Variants in MYO3B observed in about 807,000 individuals in gnomAD.
MYO3B encodes the protein myosin-IIIb.
A neutral mutation model predicts 174.6 loss-of-function variants in MYO3B; 156 were observed. The observed-to-expected ratio is 0.89, with a 90% confidence interval of 0.78 to 1.02. MYO3B has a LOEUF of 1.02. Ranked by LOEUF, MYO3B falls within the 50% of genes least tolerant of loss-of-function variation. The pLI is 0.00. For missense variants in MYO3B, 1,632 were observed against 1,639.4 expected (o/e 1.00, Z 0.08); for synonymous variants, 563 against 569.1 (o/e 0.99, Z 0.15).
intron 22 of MYO3B, among the ~76,000 whole-genome samples, chr2:170,422,350 G>A (rs2094622547): frequency 6.6e-6 from 1 of 152,144 alleles, no homozygotes; most frequent in Non-Finnish European, 1.5e-5. Flanking sequence ...TCACAGGCAT[G>A]AGCCACTGCA....
At chr2:170,454,626 G>A (rs1039729765) in intron 23 of MYO3B, among the ~76,000 whole-genome samples, 2 of 152,180 alleles carry the variant, frequency 1.3e-5, no homozygotes, top group Admixed American at 1.3e-4. Context: ...AAAGGAGAGG[G>A]GCTACCGAAC....
At chr2:170,592,547 C>T (rs142462307) in intron 32 of MYO3B, among the ~76,000 whole-genome samples, 52 of 152,238 alleles carry the variant, frequency 3.4e-4, no homozygotes, top group African/African-American at 1.1e-3. Flanking sequence ...ATGAATTGGC[C>T]GGCAAAGAGA....
At chr2:170,570,219 G>C (rs1042772190) in intron 32 of MYO3B, among the ~76,000 whole-genome samples, 1 of 152,164 alleles carries the variant, frequency 6.6e-6, no homozygotes, top group East Asian at 1.9e-4. Flanking sequence ...AACTTAGAGA[G>C]AAAACCAACT....
chr2:170,472,674 T>TATCC (rs1685046636), intron 25 of MYO3B, among the ~76,000 whole-genome samples: 1 of 51,294 alleles, frequency 1.9e-5, no homozygotes, highest in Non-Finnish European at 3.8e-5. Context: ...ACTTTTTATC[T>TATCC]ATTTATTTAT....
At chr2:170,623,612 C>T (rs1696130159) in intron 32 of MYO3B, among the ~76,000 whole-genome samples, 1 of 152,072 alleles carries the variant, frequency 6.6e-6, no homozygotes. Context: ...CTTTTGTTGC[C>T]ATTGCTTTTG....
Position 170,369,507 on chromosome 2 carries a change from A to G in MYO3B, c.971+130A>G, listed in dbSNP as rs893931087. On this transcript the variant is annotated intron_variant, in intron 9 of 34. Transcript: ENST00000408978. ...CATTTTTAAGAGTTTTATTTACATGACATTAAGTACTCCATGCCCAGTGGA... is the reference window on the plus strand; with the variant it reads ...CATTTTTAAGAGTTTTATTTACATGGCATTAAGTACTCCATGCCCAGTGGA... 14 of 1,007,974 alleles carry G rather than the reference A, an allele frequency of 1.4e-5. No homozygotes were observed. In the African/African-American group the frequency reaches 1.8e-4, roughly 13 times the overall value. The allele number at this position is 1,007,974 out of a possible 1,614,324, so 62.4% of individuals were successfully genotyped here.
intron 32 of MYO3B, among the ~76,000 whole-genome samples, chr2:170,597,966 C>CATCATAATTATA (rs769699461): frequency 1.3e-5 from 2 of 152,168 alleles, no homozygotes; most frequent in Non-Finnish European, 2.9e-5. Context: ...AGCACCTAAA[C>CATCATAATTATA]ATCATAATTA....
intron 30 of MYO3B, among the ~76,000 whole-genome samples, chr2:170,532,816 C>CAAA (rs35190722): frequency 1.5e-4 from 13 of 85,236 alleles, no homozygotes; most frequent in African/African-American, 2.2e-4. Flanking sequence ...AACTCTGTCT[C>CAAA]AAAAAAAAAA....
chr2:170,484,950 G>A (rs1490776697), intron 25 of MYO3B, among the ~76,000 whole-genome samples: 2 of 152,034 alleles, frequency 1.3e-5, no homozygotes, highest in East Asian at 1.9e-4. Context: ...ATCTACATAA[G>A]AGAAAATTAT....
chr2:170,272,548 A>C (rs1383637704), intron 7 of MYO3B, among the ~76,000 whole-genome samples: 1 of 152,186 alleles, frequency 6.6e-6, no homozygotes, highest in African/African-American at 2.4e-5. Context: ...AAGGCAATGA[A>C]TGCAGTAGAC....
intron 7 of MYO3B, among the ~76,000 whole-genome samples, chr2:170,322,753 A>C (rs1331758153): frequency 6.6e-6 from 1 of 152,150 alleles, no homozygotes; most frequent in Non-Finnish European, 1.5e-5. Context: ...CTGTCAGCCT[A>C]TGCTTCTGTG....
At chr2:170,394,036 A>C (rs1403991231) in intron 16 of MYO3B, among the ~76,000 whole-genome samples, 1 of 152,228 alleles carries the variant, frequency 6.6e-6, no homozygotes, top group Non-Finnish European at 1.5e-5. Flanking sequence ...ACGCAGGGGC[A>C]CATGTCCTTA....
intron 7 of MYO3B, among the ~76,000 whole-genome samples, chr2:170,293,503 A>G (rs1289452982): frequency 6.6e-6 from 1 of 152,130 alleles, no homozygotes; most frequent in Non-Finnish European, 1.5e-5. Context: ...ATACTCTGTC[A>G]GATTATAAAT....
intron 28 of MYO3B, among the ~76,000 whole-genome samples, chr2:170,512,228 G>A (rs1321717965): frequency 6.6e-6 from 1 of 150,566 alleles, no homozygotes; most frequent in Non-Finnish European, 1.5e-5. Context: ...TAGGGCTGTA[G>A]AAAAAAAAAA....
intron 7 of MYO3B, among the ~76,000 whole-genome samples, chr2:170,266,406 T>G (rs1358378334): frequency 6.6e-6 from 1 of 152,220 alleles, no homozygotes; most frequent in Non-Finnish European, 1.5e-5. Flanking sequence ...CAAGGTAGTT[T>G]GTTGCTGGTT....
chr2:170,274,676 T>G (rs10930411), intron 7 of MYO3B, among the ~76,000 whole-genome samples: 122,274 of 152,054 alleles, frequency 0.8, 51,523 homozygotes, highest in East Asian at 0.98. Flanking sequence ...ATATCTTGAT[T>G]CTAGTGATAA....
intron 32 of MYO3B, among the ~76,000 whole-genome samples, chr2:170,635,390 C>T (rs1169197114): frequency 6.6e-6 from 1 of 152,046 alleles, no homozygotes; most frequent in African/African-American, 2.4e-5. Context: ...CGTGTTCTCA[C>T]TCATAGGTGG....
At chr2:170,601,560 G>A (rs1694510051) in intron 32 of MYO3B, 1 of 973,522 alleles carries the variant, frequency 1.0e-6, no homozygotes, top group South Asian at 1.5e-5. Flanking sequence ...GTTGTGTACA[G>A]GGGGGTTAAA....
intron 7 of MYO3B, among the ~76,000 whole-genome samples, chr2:170,295,300 A>G (rs1203774396): frequency 1.3e-5 from 2 of 151,824 alleles, no homozygotes; most frequent in Non-Finnish European, 2.9e-5. Flanking sequence ...TATACCATTT[A>G]ATTTTATTTT....
Sources: gnomAD v4.1 joint callset for allele counts (sites outside exome capture counted in the v4.1 genomes callset) on GRCh38, gnomAD v4.1.1 for gene constraint, MANE v1.5 for transcripts, NCBI Gene and HGNC (gene_info 2026-07-23, HGNC 2026-07-21) for gene names.